The following MAN2B2 variants were observed in gnomAD, a reference collection of about 807,000 sequenced individuals.
The protein encoded by MAN2B2 is epididymis-specific alpha-mannosidase.
MAN2B2 carries 106 observed loss-of-function variants against 117.1 expected under a neutral mutation model. That is an observed-to-expected ratio of 0.90 (90% CI 0.77 to 1.06). MAN2B2 has a LOEUF of 1.06. Among genes scored for constraint, MAN2B2 ranks in the 50% least tolerant of loss-of-function variants. MAN2B2 has a pLI of 0.00. For synonymous variants in MAN2B2, 544 were observed against 595.1 expected, an observed-to-expected ratio of 0.91 and a Z score of 1.25; for missense variants, 1,326 against 1,381.4, an observed-to-expected ratio of 0.96 and a Z score of 0.64.
At chr4:6,577,382 A>G (rs1174227735) in intron 2 of MAN2B2, among the ~76,000 whole-genome samples, 1 of 152,184 alleles carries the variant, frequency 6.6e-6, no homozygotes, top group East Asian at 1.9e-4. Context: ...CCTCCCAGGT[A>G]TCCACCTGCC....
chr4:6,586,236 G>A (rs959734098), intron 3 of MAN2B2, among the ~76,000 whole-genome samples: 4 of 151,890 alleles, frequency 2.6e-5, no homozygotes, highest in Non-Finnish European at 5.9e-5. Flanking sequence ...AATTTTGTGT[G>A]CATGTGTAGA....
At chr4:6,579,325 C>CCACCATCACCACCACCAT (rs1726307709) in intron 3 of MAN2B2, among the ~76,000 whole-genome samples, 1 of 57,288 alleles carries the variant, frequency 1.7e-5, no homozygotes, top group Admixed American at 2.1e-4. Flanking sequence ...ACCATCACCA[C>CCACCATCACCACCACCAT]CACCACCACC....
At chr4:6,614,879 T>C (rs1289599176) in intron 16 of MAN2B2, among the ~76,000 whole-genome samples, 2 of 152,192 alleles carry the variant, frequency 1.3e-5, no homozygotes, top group African/African-American at 4.8e-5. Flanking sequence ...AGCAATCAAG[T>C]CACCAGGCAG....
chr4:6,576,612 C>T lies in MAN2B2; in HGVS notation c.173C>T (p.Thr58Ile). The T allele has an allele frequency of 6.2e-7, 1 of 1,613,880 alleles. No individual in the cohort carries two copies. Among genetic ancestry groups the T allele is most frequent in the Non-Finnish European group, 8.5e-7 (1 of 1,180,010 alleles). ...SMRAYAANVY[T>I]SVVEELARGQ... is the part of the protein sequence containing the mutation. ...CGGGCGTACGCCGCCAATGTCTACA[C>T]CTCAGTGGTGGAAGAGCTGGCCCGC... Residue 58 changes from threonine (T) to isoleucine (I), a missense_variant, in exon 2 of 19, where the codon ACC (threonine) becomes ATC (isoleucine). Transcript: ENST00000285599.
chr4:6,584,807 C>T (rs984028884), intron 3 of MAN2B2, among the ~76,000 whole-genome samples: 4 of 152,304 alleles, frequency 2.6e-5, no homozygotes, highest in African/African-American at 4.8e-5. Flanking sequence ...AGGGAGTAAG[C>T]GTGCCACATT....
intron 7 of MAN2B2, 26 bp from the exon 8 acceptor site, chr4:6,597,087 G>C (rs748731910): frequency 6.2e-7 from 1 of 1,606,302 alleles, no homozygotes; most frequent in Non-Finnish European, 8.5e-7. Context: ...GCCGTCTCAA[G>C]CTCACCATCT....
intron 6 of MAN2B2, among the ~76,000 whole-genome samples, 165 bp downstream of exon 6, chr4:6,593,515 C>G (rs1726941581): frequency 1.3e-5 from 2 of 152,198 alleles, no homozygotes; most frequent in African/African-American, 4.8e-5. Flanking sequence ...CTCTCCCACT[C>G]TACCAGCCCC....
chr4:6,608,425 T>C (rs577815345), intron 11 of MAN2B2, among the ~76,000 whole-genome samples: 17 of 152,222 alleles, frequency 1.1e-4, no homozygotes, highest in Non-Finnish European at 2.4e-4. Flanking sequence ...ATACATCACT[T>C]GTGCACTTGG....
chr4:6,607,776 A>T (rs1314748950), intron 11 of MAN2B2, among the ~76,000 whole-genome samples: 1 of 152,068 alleles, frequency 6.6e-6, no homozygotes, highest in Non-Finnish European at 1.5e-5. Context: ...TCACAAGCTA[A>T]CTCTATGTTT....
At chr4:6,600,819 C>T in intron 10 of MAN2B2, 63 bp downstream of exon 10, 1 of 1,586,156 alleles carries the variant, frequency 6.3e-7, no homozygotes, top group Non-Finnish European at 8.6e-7. Flanking sequence ...CTGGGCCGGG[C>T]ACATTGTCTC....
chr4:6,609,067 G>A, intron 11 of MAN2B2, 40 bp from the exon 12 acceptor site: 2 of 1,577,652 alleles, frequency 1.3e-6, no homozygotes, highest in Non-Finnish European at 1.7e-6. Flanking sequence ...AAGACCTTGT[G>A]CAGGATGAGA....
Position 6,622,095 on chromosome 4 carries a change from C to T in MAN2B2, c.*810C>T, listed in dbSNP as rs1214585356. 6.6e-6 allele frequency: 1 copy of T among 152,230 alleles called. No individual in the cohort carries two copies. Among genetic ancestry groups the T allele is most frequent in the Non-Finnish European group, 1.5e-5 (1 of 68,050 alleles). The allele number at this position is 152,230 out of a possible 1,614,324, so 9.4% of individuals were successfully genotyped here. A position where few individuals can be genotyped will look rare whatever the true frequency, so the allele number is the denominator to read the frequency against. ...AGACATGAAGTGTGTTCTGTCCATA[C>T]AATGGAATATTATTTGGCCATAAAA... On this transcript the variant is annotated 3_prime_UTR_variant, in exon 19 of 19. Transcript: ENST00000285599.
In MAN2B2 at chr4:6,620,107, G is replaced by C. The variant is rs533056227; in HGVS notation, c.2932+63G>C. ...CCCAGCCAGGCTCAGCAGCTGGTCA[G>C]ACCCGGTGCACATCCAACCATCTGC... On this transcript the variant is annotated intron_variant, in intron 18 of 18. Coordinates refer to ENST00000285599, the MANE Select transcript of MAN2B2 (RefSeq NM_015274.3). 254 of 1,390,224 alleles carry C rather than the reference G, an allele frequency of 1.8e-4. 1 individual carries two copies. The South Asian group carries it at 3.1e-3, about 17-fold the overall frequency. The allele number at this position is 1,390,224 out of a possible 1,614,324, so 86.1% of individuals were successfully genotyped here.
chr4:6,615,121 C>T (rs1054670817), intron 16 of MAN2B2, among the ~76,000 whole-genome samples: 7 of 152,194 alleles, frequency 4.6e-5, no homozygotes, highest in Admixed American at 3.3e-4. Flanking sequence ...AAGGGTGGGG[C>T]GCAGTGGCTC....
chr4:6,593,114 T>G, intron 5 of MAN2B2, 59 bp from the exon 6 acceptor site: 33 of 1,557,002 alleles, frequency 2.1e-5, no homozygotes, highest in Non-Finnish European at 2.7e-5. Context: ...CACTTGGGTG[T>G]GAGCCCTGGC....
At chr4:6,617,712 A>C in intron 17 of MAN2B2, 3 of 765,198 alleles carry the variant, frequency 3.9e-6, no homozygotes, top group Non-Finnish European at 5.9e-6. Flanking sequence ...ACAGGATCTC[A>C]CTCTGTTGCC....
chr4:6,575,583 A>G (rs1560631508), intron 1 of MAN2B2, among the ~76,000 whole-genome samples: 1 of 152,168 alleles, frequency 6.6e-6, no homozygotes, highest in Non-Finnish European at 1.5e-5. Context: ...GGACCCCTGC[A>G]TTCCCGGCTG....
chr4:6,577,627 G>A (rs1028597815), intron 2 of MAN2B2, among the ~76,000 whole-genome samples: 5 of 152,236 alleles, frequency 3.3e-5, no homozygotes, highest in African/African-American at 1.2e-4. Context: ...GCTTGTAAGC[G>A]GCAGGTGGGA....
chr4:6,587,212 CCCTT>C (rs750203907), intron 4 of MAN2B2, 44 bp downstream of exon 4: 4 of 1,592,294 alleles, frequency 2.5e-6, no homozygotes, highest in African/African-American at 1.3e-5. Flanking sequence ...GACCGCTCCT[CCCTT>C]CCTTCCTTGA....
Sources: allele counts gnomAD v4.1 joint callset (sites outside exome capture counted in the v4.1 genomes callset), GRCh38; gene constraint gnomAD v4.1.1; transcripts MANE v1.5; gene names NCBI Gene and HGNC (gene_info 2026-07-23, HGNC 2026-07-21).